The following CACNA2D3 variants were observed in gnomAD, a reference collection of about 807,000 sequenced individuals.
The protein encoded by CACNA2D3 is voltage-dependent calcium channel subunit alpha-2/delta-3.
Under a neutral mutation model 160.6 loss-of-function variants are expected in CACNA2D3, and 60 were observed. The ratio of observed to expected loss-of-function variants is 0.37; its 90% CI spans 0.30 to 0.46. The LOEUF (loss-of-function observed/expected upper bound fraction) is 0.46. Among genes scored for constraint, CACNA2D3 ranks in the 20% least tolerant of loss-of-function variants. The pLI, the probability that CACNA2D3 is intolerant of heterozygous loss-of-function variation, is 1.00. For missense variants in CACNA2D3, 1,205 were observed against 1,365.0 expected (o/e 0.88, Z 1.85); for synonymous variants, 558 against 492.9 (o/e 1.13, Z -1.75).
chr3:54,728,985 T>A (rs1701331172), intron 11 of CACNA2D3, among the ~76,000 whole-genome samples: 1 of 152,242 alleles, frequency 6.6e-6, no homozygotes, highest in South Asian at 2.1e-4. Context: ...AGAAATTGTC[T>A]GCAGAACATG....
chr3:54,394,766 A>G (rs1196400184), intron 4 of CACNA2D3, among the ~76,000 whole-genome samples: 4 of 69,554 alleles, frequency 5.8e-5, no homozygotes, highest in African/African-American at 1.3e-4. Flanking sequence ...TAGTGCCGCA[A>G]TAAACATACG....
intron 17 of CACNA2D3, among the ~76,000 whole-genome samples, chr3:54,870,443 C>T (rs974966362): frequency 2.0e-5 from 3 of 152,116 alleles, no homozygotes; most frequent in African/African-American, 7.2e-5. Flanking sequence ...AGTATACATG[C>T]ATATATATTT....
At chr3:54,388,189 A>T (rs1394864955) in intron 4 of CACNA2D3, among the ~76,000 whole-genome samples, 1 of 152,226 alleles carries the variant, frequency 6.6e-6, no homozygotes, top group Non-Finnish European at 1.5e-5. Context: ...GAGGAAAACT[A>T]GGGTTTCCAG....
chr3:54,801,692 A>C (rs1047475393), intron 13 of CACNA2D3, among the ~76,000 whole-genome samples: 2 of 152,160 alleles, frequency 1.3e-5, no homozygotes, highest in Non-Finnish European at 2.9e-5. Context: ...TTCTACAAAA[A>C]ACCGGCATTA....
intron 2 of CACNA2D3, among the ~76,000 whole-genome samples, chr3:54,210,697 GTTTATTAAGTGTGTGGAGAT>G (rs1427990369): frequency 6.6e-6 from 1 of 152,114 alleles, no homozygotes; most frequent in Non-Finnish European, 1.5e-5. Flanking sequence ...GCCTGGGAGA[GTTTATTAAGTGTGTGGAGAT>G]TTGGTCTCCT....
At position 54,131,830 on chromosome 3, in the gene CACNA2D3, C is replaced by T. The variant is rs1699715042; in HGVS notation, c.204+8236C>T. 2.0e-5 allele frequency among the ~76,000 whole-genome samples: 3 copies of T among 152,020 alleles called. No individual in the cohort carries two copies. In the South Asian group the frequency reaches 6.2e-4, roughly 32 times the overall value. ...ACAGCAGAAGTGGGCAGCTGTAAGA[C>T]TAAAATTTGCTGTTGCTGTAACATT... On this transcript the variant is annotated intron_variant, in intron 2 of 37. Coordinates refer to ENST00000474759, the MANE Select transcript of CACNA2D3 (RefSeq NM_018398.3).
At chr3:54,838,868 C>T (rs1401073871) in intron 16 of CACNA2D3, among the ~76,000 whole-genome samples, 1 of 152,106 alleles carries the variant, frequency 6.6e-6, no homozygotes, top group Admixed American at 6.5e-5. Flanking sequence ...CCTCTAACCT[C>T]AGTTTAAAGA....
intron 11 of CACNA2D3, among the ~76,000 whole-genome samples, chr3:54,699,180 T>C (rs1700719612): frequency 6.6e-6 from 1 of 152,120 alleles, no homozygotes; most frequent in Non-Finnish European, 1.5e-5. Flanking sequence ...GTTTCCAGTT[T>C]CAAAAACTGT....
intron 2 of CACNA2D3, among the ~76,000 whole-genome samples, chr3:54,247,735 C>T (rs1170450729): frequency 6.6e-6 from 1 of 152,130 alleles, no homozygotes; most frequent in Non-Finnish European, 1.5e-5. Context: ...AGTACTTGAT[C>T]TATAGTTCAA....
At chr3:55,004,236 G>A (rs925376582) in intron 31 of CACNA2D3, among the ~76,000 whole-genome samples, 1 of 152,126 alleles carries the variant, frequency 6.6e-6, no homozygotes, top group Non-Finnish European at 1.5e-5. Flanking sequence ...TAAGGAGTAG[G>A]GATTACAATT....
chr3:54,784,140 A>G (rs895889919), intron 13 of CACNA2D3, among the ~76,000 whole-genome samples: 2 of 152,214 alleles, frequency 1.3e-5, no homozygotes, highest in South Asian at 2.1e-4. Flanking sequence ...CAAGTCAAGC[A>G]GTGGGTTAAT....
intron 27 of CACNA2D3, among the ~76,000 whole-genome samples, chr3:54,968,051 C>T (rs1378384665): frequency 6.6e-6 from 1 of 152,072 alleles, no homozygotes; most frequent in Admixed American, 6.5e-5. Context: ...ATGCAGAGTA[C>T]ACATTTTAGA....
chr3:54,133,259 A>G (rs931142436), intron 2 of CACNA2D3, among the ~76,000 whole-genome samples: 1 of 152,212 alleles, frequency 6.6e-6, no homozygotes, highest in African/African-American at 2.4e-5. Context: ...CCCTGAGGTC[A>G]GATCTATTAT....
chr3:54,139,232 G>A (rs527721944), intron 2 of CACNA2D3, among the ~76,000 whole-genome samples: 78 of 152,230 alleles, frequency 5.1e-4, no homozygotes, highest in African/African-American at 1.9e-3. Context: ...TTTTCACTTT[G>A]TCCCAGTGTG....
chr3:54,644,901 C>T (rs1005820061), intron 11 of CACNA2D3, among the ~76,000 whole-genome samples: 6 of 152,282 alleles, frequency 3.9e-5, no homozygotes, highest in South Asian at 2.1e-4. Flanking sequence ...ATATTGCTGC[C>T]GTCTATTGAC....
At chr3:54,445,070 G>T (rs1303716357) in intron 4 of CACNA2D3, among the ~76,000 whole-genome samples, 1 of 152,186 alleles carries the variant, frequency 6.6e-6, no homozygotes, top group Non-Finnish European at 1.5e-5. Context: ...CCTGTAACAG[G>T]CAGGTAGCAG....
At chr3:54,679,561 A>G (rs1285824927) in intron 11 of CACNA2D3, among the ~76,000 whole-genome samples, 2 of 152,220 alleles carry the variant, frequency 1.3e-5, no homozygotes, top group South Asian at 4.1e-4. Context: ...GTGCAATGTC[A>G]TATACCCTCT....
At chr3:54,915,734 T>C (rs1358344273) in intron 27 of CACNA2D3, among the ~76,000 whole-genome samples, 1 of 152,238 alleles carries the variant, frequency 6.6e-6, no homozygotes, top group East Asian at 1.9e-4. Context: ...TATTTTTTTC[T>C]GTGCTGAGAA....
rs73074130 is a variant in CACNA2D3 at position 54,760,693 on chromosome 3, T to C, written c.1247-3525T>C. On this transcript the variant is annotated intron_variant, in intron 12 of 37. Coordinates refer to ENST00000474759, the MANE Select transcript of CACNA2D3 (RefSeq NM_018398.3). ...GTGGAGATTGGGAAGTGAATTTAGA[T>C]AGATTTTAGAGATAGGACCAGAAGA... Among the ~76,000 whole-genome samples the C allele has an allele frequency of 9.4e-3, 1,426 of 151,836 alleles. 15 individuals carry two copies. The highest frequency in any genetic ancestry group is 0.016 in the Non-Finnish European group (1,096 of 67,950).
Sources: allele counts gnomAD v4.1 joint callset (sites outside exome capture counted in the v4.1 genomes callset), GRCh38; gene constraint gnomAD v4.1.1; transcripts MANE v1.5; gene names NCBI Gene and HGNC (gene_info 2026-07-23, HGNC 2026-07-21).